MAST3: variants seen among roughly 807,000 people sequenced by gnomAD.
MAST3 encodes microtubule associated serine/threonine kinase 3, also known as microtubule-associated serine/threonine-protein kinase 3.
Under a neutral mutation model 127.0 loss-of-function variants are expected in MAST3, and 43 were observed. The observed-to-expected ratio is 0.34, with a 90% CI of 0.27 to 0.44. The LOEUF is 0.44. Among genes scored for constraint, MAST3 ranks in the 20% least tolerant of loss-of-function variants. The probability of loss-of-function intolerance (pLI) is 1.00; values close to 1 mark genes in which losing one functional copy is unlikely to be tolerated. For synonymous variants in MAST3, 785 were observed against 809.2 expected (o/e 0.97, Z 0.51); for missense variants, 1,390 against 1,919.1 (o/e 0.72, Z 5.15).
chr19:18,136,949 G>A (rs982627611), intron 18 of MAST3, among the ~76,000 whole-genome samples: 3 of 152,112 alleles, frequency 2.0e-5, no homozygotes, highest in African/African-American at 4.8e-5. Flanking sequence ...AGCCTCCCGA[G>A]TAGCTGGGAA....
intron 11 of MAST3, among the ~76,000 whole-genome samples, chr19:18,127,450 G>A (rs538305287): frequency 1.3e-5 from 2 of 152,154 alleles, no homozygotes; most frequent in East Asian, 1.9e-4. Context: ...TTGGGAGGCC[G>A]AGGCAGGCGG....
chr19:18,127,731 C>T (rs760505880), intron 11 of MAST3, among the ~76,000 whole-genome samples: 2 of 152,066 alleles, frequency 1.3e-5, no homozygotes, highest in Non-Finnish European at 2.9e-5. Flanking sequence ...TGGTGGCACA[C>T]GCCTGTAATC....
At chr19:18,131,839 G>T in intron 14 of MAST3, 70 bp from the exon 15 acceptor site, 1 of 1,495,748 alleles carries the variant, frequency 6.7e-7, no homozygotes, top group Non-Finnish European at 9.0e-7. Flanking sequence ...TAGGCATTGG[G>T]CATAACCTAA....
rs1231811024 is a variant in MAST3 at position 18,110,675 on chromosome 19, C to G, written c.95C>G (p.Pro32Arg). The G allele has an allele frequency of 2.0e-6, 2 of 985,744 alleles. No homozygotes were observed. The highest frequency in any genetic ancestry group is 2.4e-6 in the Non-Finnish European group (2 of 829,978). The allele number at this position is 985,744 out of a possible 1,614,324, so 61.1% of individuals were successfully genotyped here. The change falls in exon 3 of 28, where the codon CCG becomes CGG. Residue 32 changes from proline (P) to arginine (R), a missense_variant. By Grantham distance (103) the Pro-to-Arg change is moderately radical. Around this residue, in one of 5 missense-constraint regions of MAST3, gnomAD observed 61 missense variants for 78.2 expected, o/e 0.78. Transcript: ENST00000687212. The surrounding 1 kb of genome is among the most constrained non-coding windows in gnomAD (Gnocchi z 4.3). Reference protein sequence around the residue: ...GRGLSPSSQSPSLLGPSSPCS... With the variant: ...GRGLSPSSQSRSLLGPSSPCS... ...AGTCTGTCTCCGAGCAGCCAGAGCC[C>G]GTCCCTGCTGGGTCCCAGCAGCCCC...
At position 18,098,768 on chromosome 19, in the gene MAST3, A is replaced by G. The variant is rs113371765; in HGVS notation, c.39+937A>G. ...TTCAGCACTTACCCAACGAACATTT[A>G]TGGAGCGCCTGCTGTGTGCCTGGCT... On this transcript the variant is annotated intron_variant, in intron 1 of 27. Transcript: ENST00000687212. The G allele has an allele frequency of 2.0e-3, 915 of 456,696 alleles. 11 individuals are homozygous for G. The highest frequency in any genetic ancestry group is 0.016 in the African/African-American group (798 of 50,192). 28.3% of individuals were successfully genotyped at this position (456,696 alleles called of 1,614,324 possible).
rs1202051089 is a variant in MAST3 at position 18,151,588 on chromosome 19, C to T, written c.*1862C>T. 6.6e-6 allele frequency: 1 copy of T among 152,266 alleles called. No individual in the cohort carries two copies. Among genetic ancestry groups the T allele is most frequent in the East Asian group, 1.9e-4 (1 of 5,196 alleles). 9.4% of individuals were successfully genotyped at this position (152,266 alleles called of 1,614,324 possible). ...CTGCTTCCCTTTCTGAGTCCCCTGT[C>T]CAGCACTGCCTAGTGTTGGAGGGTA... On this transcript the variant is annotated 3_prime_UTR_variant, in exon 28 of 28. Coordinates refer to ENST00000687212, the MANE Select transcript of MAST3 (RefSeq NM_001393504.1).
At chr19:18,130,463 G>T in intron 13 of MAST3, 31 bp from the exon 14 acceptor site, 1 of 1,562,280 alleles carries the variant, frequency 6.4e-7, no homozygotes, top group Non-Finnish European at 8.7e-7. Context: ...CTCGATCTCC[G>T]GTCCCAGCAA....
chr19:18,103,346 A>T (rs7249862), intron 1 of MAST3, among the ~76,000 whole-genome samples: 56,096 of 151,880 alleles, frequency 0.37, 10,778 homozygotes, highest in Admixed American at 0.42. Context: ...AAGACCAGCC[A>T]GACCAACATG....
chr19:18,133,742 C>T (rs1370180831), intron 15 of MAST3, among the ~76,000 whole-genome samples: 1 of 151,792 alleles, frequency 6.6e-6, no homozygotes, highest in Non-Finnish European at 1.5e-5. Context: ...TTAGTAGAGA[C>T]GGGGTTTCAC....
intron 11 of MAST3, among the ~76,000 whole-genome samples, chr19:18,127,520 C>A (rs2040795540): frequency 6.6e-6 from 1 of 152,132 alleles, no homozygotes; most frequent in African/African-American, 2.4e-5. Flanking sequence ...CCCATCTCTA[C>A]TAAAAATACA....
rs758051730 is a variant in MAST3, at chr19:18,134,946, G to A, written c.1834G>A (p.Asp612Asn). The A allele has an allele frequency of 2.5e-6, 4 of 1,613,804 alleles. No homozygotes were observed. The highest frequency in any genetic ancestry group is 3.4e-6 in the Non-Finnish European group (4 of 1,179,770). ...FLVGCVPFFG[D>N]TPEELFGQVV... ...GGTGGGCTGCGTGCCTTTCTTTGGA[G>A]ATACCCCCGAGGAACTCTTCGGTCA... Residue 612 changes from aspartate to asparagine, a missense_variant, in exon 17 of 28, where the codon GAT becomes AAT. By Grantham distance (23) the Asp-to-Asn change is conservative. This residue lies in a region of MAST3 where 191 missense variants were observed against 409.0 expected (regional missense o/e 0.47). Coordinates refer to ENST00000687212, the MANE Select transcript of MAST3 (RefSeq NM_001393504.1).
chr19:18,135,046 T>G, intron 17 of MAST3, 64 bp downstream of exon 17: 4 of 1,511,068 alleles, frequency 2.6e-6, no homozygotes, highest in Non-Finnish European at 3.6e-6. Flanking sequence ...GCAGCGGTCC[T>G]CCACCCGCAT....
Position 18,144,401 on chromosome 19 carries a change from T to A in MAST3, c.2585-65T>A. The A allele has an allele frequency of 7.2e-7, 1 of 1,381,148 alleles. No homozygotes were observed. Among genetic ancestry groups the A allele is most frequent in the East Asian group, 2.5e-5 (1 of 40,158 alleles). The allele number at this position is 1,381,148 out of a possible 1,614,324, so 85.6% of individuals were successfully genotyped here. A position where few individuals can be genotyped will look rare whatever the true frequency, so the allele number is the denominator to read the frequency against. Reference sequence around the variant, plus strand: ...AATAGTGACCAGGGAGGAAGGGCCTTAAGGTCCCTTTAGGACCACATGGTG... The same window carrying A: ...AATAGTGACCAGGGAGGAAGGGCCTAAAGGTCCCTTTAGGACCACATGGTG... On this transcript the variant is annotated intron_variant, in intron 22 of 27. Transcript: ENST00000687212. This position sits in a 1 kb window ranked among gnomAD's most constrained non-coding sequence, Gnocchi z 4.0.
rs182053220 is a variant in MAST3, at chr19:18,121,547, C to T, written c.162-138C>T. The T allele has an allele frequency of 6.8e-5, 50 of 731,262 alleles. No homozygotes were observed. The East Asian group carries it at 1.3e-3, about 19-fold the overall frequency. 45.3% of individuals were successfully genotyped at this position (731,262 alleles called of 1,614,324 possible). ...GGCTAAGGGCCATGGGGGAACCCAGCTGGGGGCAGAGTGGGAGTGGCCATG... is the reference window on the plus strand; with the variant it reads ...GGCTAAGGGCCATGGGGGAACCCAGTTGGGGGCAGAGTGGGAGTGGCCATG... On this transcript the variant is annotated intron_variant, in intron 3 of 27. Coordinates refer to ENST00000687212, the MANE Select transcript of MAST3 (RefSeq NM_001393504.1).
chr19:18,135,921 G>A, intron 18 of MAST3, 80 bp downstream of exon 18: 1 of 1,075,516 alleles, frequency 9.3e-7, no homozygotes, highest in Non-Finnish European at 1.4e-6. Context: ...AGCGCCCGGG[G>A]TAGACAAGAG....
chr19:18,144,986 T>C lies in MAST3; in HGVS notation c.2813-17T>C, dbSNP rs1449737153. On this transcript the variant is annotated splice_polypyrimidine_tract_variant and intron_variant, in intron 23 of 27. Coordinates refer to ENST00000687212, the MANE Select transcript of MAST3 (RefSeq NM_001393504.1). This position sits in a 1 kb window ranked among gnomAD's most constrained non-coding sequence, Gnocchi z 4.0. ...ACCTGTGAGGGAGTGAGTGACCCCC[T>C]CCCTAACCCCCTGCAGATGATGGCA... is the stretch of plus-strand genomic sequence containing the variant. 16 of 1,253,910 alleles carry C rather than the reference T, an allele frequency of 1.3e-5. No homozygotes were observed. Among genetic ancestry groups the C allele is most frequent in the Admixed American group, 3.5e-5 (2 of 57,532 alleles). The allele number at this position is 1,253,910 out of a possible 1,614,324, so 77.7% of individuals were successfully genotyped here.
rs777636124 is a variant in MAST3, at chr19:18,149,709, C to T, written c.4027C>T (p.Pro1343Ser). The T allele has an allele frequency of 1.9e-6, 3 of 1,612,540 alleles. No homozygotes were observed. Among genetic ancestry groups the T allele is most frequent in the Non-Finnish European group, 8.5e-7 (1 of 1,179,786 alleles). The change falls in exon 28 of 28, where the codon CCC becomes TCC. Residue 1343 changes from proline (P) to serine (S), a missense_variant. By Grantham distance (74) the Pro-to-Ser change is moderately conservative. This residue lies in a region of MAST3 where 816 missense variants were observed against 934.1 expected (regional missense o/e 0.87). Coordinates refer to ENST00000687212, the MANE Select transcript of MAST3 (RefSeq NM_001393504.1). The surrounding 1 kb of genome is among the most constrained non-coding windows in gnomAD (Gnocchi z 5.9). ...GEEAVPVALGPTGRD is the reference protein window; with the variant it reads ...GEEAVPVALGSTGRD ...GGAAGCCGTGCCAGTAGCTCTCGGG[C>T]CCACCGGAAGAGACTGATCCCCTGC...
At chr19:18,113,194 T>G (rs1204839945) in intron 3 of MAST3, among the ~76,000 whole-genome samples, 1 of 152,004 alleles carries the variant, frequency 6.6e-6, no homozygotes, top group Non-Finnish European at 1.5e-5. Context: ...GCCTTGGGCC[T>G]GGCGGGGGAA....
chr19:18,139,551 C>T (rs1279949831), intron 20 of MAST3, among the ~76,000 whole-genome samples: 1 of 150,748 alleles, frequency 6.6e-6, no homozygotes, highest in Non-Finnish European at 1.5e-5. Context: ...TCTCAAACTC[C>T]TGACCTCAGG....
Sources: allele counts gnomAD v4.1 joint callset (sites outside exome capture counted in the v4.1 genomes callset), GRCh38; gene constraint gnomAD v4.1.1; regional missense constraint gnomAD v4.1.1; non-coding constraint Gnocchi (gnomAD v3.1); transcripts MANE v1.5; gene names NCBI Gene and HGNC (gene_info 2026-07-23, HGNC 2026-07-21).